The following GMEB2 variants were observed in gnomAD, a reference collection of about 807,000 sequenced individuals.
The protein encoded by GMEB2 is glucocorticoid modulatory element-binding protein 2.
In GMEB2, 7 loss-of-function variants were observed where a neutral mutation model predicts 45.7. The observed-to-expected ratio is 0.15, with a 90% confidence interval of 0.09 to 0.29. The LOEUF (loss-of-function observed/expected upper bound fraction) is 0.29, where lower values mean the gene tolerates loss of function less well. Ranked by LOEUF, GMEB2 falls within the 10% of genes least tolerant of loss-of-function variation. The pLI is 1.00. For missense variants in GMEB2, 582 were observed against 739.2 expected (o/e 0.79, Z 2.47); for synonymous variants, 322 against 323.6 (o/e 1.00, Z 0.05).
chr20:63,612,995 T>C (rs2089582023), intron 2 of GMEB2, among the ~76,000 whole-genome samples: 1 of 151,996 alleles, frequency 6.6e-6, no homozygotes, highest in Admixed American at 6.6e-5. Context: ...GCAGTCTCAC[T>C]CTGTTGCCCA....
intron 4 of GMEB2, among the ~76,000 whole-genome samples, chr20:63,600,717 CAAAAAAAAAAAAA>C (rs34633546): frequency 1.2e-5 from 1 of 84,640 alleles, no homozygotes; most frequent in African/African-American, 4.8e-5. Context: ...GACTCCATCT[CAAAAAAAAAAAAA>C]AAAAAAAAAG....
chr20:63,601,064 C>T (rs1027847268), intron 4 of GMEB2, among the ~76,000 whole-genome samples: 2 of 152,192 alleles, frequency 1.3e-5, no homozygotes, highest in African/African-American at 2.4e-5. Context: ...TCTGAGCACC[C>T]GCTCATGACT....
At chr20:63,598,095 G>C (rs1290876689) in intron 4 of GMEB2, among the ~76,000 whole-genome samples, 1 of 152,230 alleles carries the variant, frequency 6.6e-6, no homozygotes, top group African/African-American at 2.4e-5. Flanking sequence ...GAGCTGCTGT[G>C]TGCCTGGGGC....
intron 2 of GMEB2, among the ~76,000 whole-genome samples, chr20:63,613,158 A>T (rs996687005): frequency 2.0e-5 from 3 of 152,178 alleles, no homozygotes; most frequent in Admixed American, 1.3e-4. Flanking sequence ...ACACAATCAT[A>T]AACAGAGCAA....
intron 2 of GMEB2, among the ~76,000 whole-genome samples, chr20:63,610,765 A>C (rs1288956182): frequency 6.6e-6 from 1 of 152,216 alleles, no homozygotes; most frequent in Non-Finnish European, 1.5e-5. Context: ...GCAACTGCAG[A>C]CTGAAAAATG....
Position 63,590,377 on chromosome 20 carries a change from G to T in GMEB2, c.1305C>A (p.Ala435=), listed in dbSNP as rs371348659. The T allele has an allele frequency of 3.7e-5, 59 of 1,599,906 alleles. No individual in the cohort carries two copies. The highest frequency in any genetic ancestry group is 5.0e-5 in the Non-Finnish European group (59 of 1,170,026). The stretch of plus-strand genomic sequence containing the variant: ...TGCTGGGGTAGGTGGAGCCGGAAGA[G>T]GCCAAGACTGTGTATCCCCCGAGCA... ...SPLLGGYTVL[A]SSGSTYPSTV... The change falls in exon 10 of 10, where the codon GCC becomes GCA. Residue 435 remains alanine (A), a synonymous_variant. Coordinates refer to ENST00000370077, the MANE Select transcript of GMEB2 (RefSeq NM_012384.5).
chr20:63,596,774 T>G (rs368954503), intron 5 of GMEB2, among the ~76,000 whole-genome samples: 1 of 152,076 alleles, frequency 6.6e-6, no homozygotes, highest in Non-Finnish European at 1.5e-5. Context: ...TCCCAGCACT[T>G]TGGGAGGCTG....
chr20:63,599,381 G>C (rs905939328), intron 4 of GMEB2, among the ~76,000 whole-genome samples: 10 of 152,216 alleles, frequency 6.6e-5, no homozygotes. Flanking sequence ...ACAGCACAGC[G>C]CTTCCATCTG....
intron 9 of GMEB2, among the ~76,000 whole-genome samples, chr20:63,591,032 G>A (rs2083142138): frequency 6.6e-6 from 1 of 152,098 alleles, no homozygotes; most frequent in South Asian, 2.1e-4. Context: ...ACTGACCCAG[G>A]GCCTGCGTGC....
At chr20:63,595,106 G>C (rs1014704469) in intron 6 of GMEB2, among the ~76,000 whole-genome samples, 1 of 152,208 alleles carries the variant, frequency 6.6e-6, no homozygotes, top group African/African-American at 2.4e-5. Flanking sequence ...CCTCTCCACA[G>C]TTTAGAGCTA....
chr20:63,587,798 T>G lies in GMEB2; in HGVS notation c.*2291A>C, dbSNP rs563642636. 2 of 152,472 alleles carry G rather than the reference T, an allele frequency of 1.3e-5. No homozygotes were observed. The highest frequency in any genetic ancestry group is 4.8e-5 in the African/African-American group (2 of 41,592). The allele number at this position is 152,472 out of a possible 1,614,324, so 9.4% of individuals were successfully genotyped here. On this transcript the variant is annotated 3_prime_UTR_variant, in exon 10 of 10. Coordinates refer to ENST00000370077, the MANE Select transcript of GMEB2 (RefSeq NM_012384.5). The stretch of plus-strand genomic sequence containing the variant: ...CCAAAGGCAGCCATGAAAACCCGTG[T>G]TCTGTACGTGGTTGAGAAGGTCCTC...
At chr20:63,594,811 C>A (rs1318177573) in intron 6 of GMEB2, among the ~76,000 whole-genome samples, 1 of 152,168 alleles carries the variant, frequency 6.6e-6, no homozygotes, top group Admixed American at 6.5e-5. Context: ...GGCAGTGGAG[C>A]GATCTCAGCT....
chr20:63,618,712 G>A (rs922011373), intron 2 of GMEB2, among the ~76,000 whole-genome samples: 3 of 152,144 alleles, frequency 2.0e-5, no homozygotes, highest in Non-Finnish European at 4.4e-5. Context: ...GGGACTGCCC[G>A]GGGCTGACTC....
intron 4 of GMEB2, among the ~76,000 whole-genome samples, chr20:63,599,422 T>G (rs2083225474): frequency 6.6e-6 from 1 of 152,210 alleles, no homozygotes; most frequent in Non-Finnish European, 1.5e-5. Flanking sequence ...GCAATGCATA[T>G]TTAGAACATC....
intron 2 of GMEB2, among the ~76,000 whole-genome samples, chr20:63,608,788 C>T (rs201221123): frequency 2.7e-3 from 58 of 21,802 alleles, no homozygotes; most frequent in East Asian, 0.011. Flanking sequence ...TAGAAACATG[C>T]CCCTCTGACC....
chr20:63,624,155 G>A (rs570142861), intron 1 of GMEB2, among the ~76,000 whole-genome samples: 49 of 150,752 alleles, frequency 3.3e-4, no homozygotes, highest in African/African-American at 1.1e-3. Flanking sequence ...GGTGGCTCAC[G>A]CCTGTAATCC....
chr20:63,623,117 T>C (rs138829557), intron 1 of GMEB2, among the ~76,000 whole-genome samples: 14 of 152,322 alleles, frequency 9.2e-5, no homozygotes, highest in Middle Eastern at 3.4e-3. Flanking sequence ...CGTTTCCTGT[T>C]TCAGGAGGGT....
intron 2 of GMEB2, among the ~76,000 whole-genome samples, chr20:63,611,048 C>G (rs1364939798): frequency 1.3e-5 from 2 of 152,220 alleles, no homozygotes; most frequent in Non-Finnish European, 2.9e-5. Flanking sequence ...AGCCCAGGCC[C>G]GAAAACCTTA....
chr20:63,607,716 C>A (rs202204801), intron 2 of GMEB2, among the ~76,000 whole-genome samples: 1 of 12,978 alleles, frequency 7.7e-5, no homozygotes, highest in African/African-American at 1.6e-4. Flanking sequence ...GTGACCCCAC[C>A]TCCATTTCTA....
Sources: gnomAD v4.1 joint callset for allele counts (sites outside exome capture counted in the v4.1 genomes callset) on GRCh38, gnomAD v4.1.1 for gene constraint, MANE v1.5 for transcripts, NCBI Gene and HGNC (gene_info 2026-07-23, HGNC 2026-07-21) for gene names.